Variants in SLC1A2 observed in about 807,000 individuals in gnomAD.
The protein encoded by SLC1A2 is excitatory amino acid transporter 2.
A neutral mutation model predicts 48.8 loss-of-function variants in SLC1A2; 15 were observed. The ratio of observed to expected loss-of-function variants is 0.31; its 90% confidence interval spans 0.21 to 0.47. The LOEUF (loss-of-function observed/expected upper bound fraction) is 0.47, where lower values mean the gene tolerates loss of function less well. Ranked by LOEUF, SLC1A2 falls within the 20% of genes least tolerant of loss-of-function variation. The pLI is 0.99. For synonymous variants in SLC1A2, 279 were observed against 272.6 expected, an observed-to-expected ratio of 1.02 and a Z score of -0.23; for missense variants, 502 against 730.5, an observed-to-expected ratio of 0.69 and a Z score of 3.61.
At chr11:35,341,163 G>A (rs138932022) in intron 1 of SLC1A2, among the ~76,000 whole-genome samples, 1 of 152,162 alleles carries the variant, frequency 6.6e-6, no homozygotes, top group Non-Finnish European at 1.5e-5. Context: ...GAAGGTTCAG[G>A]TTCGCCCCGA....
rs117156945 is a variant in SLC1A2, at chr11:35,406,361, G to T, written c.17+12589C>A. On this transcript the variant is annotated intron_variant, in intron 1 of 10. Coordinates refer to ENST00000278379, the MANE Select transcript of SLC1A2 (RefSeq NM_004171.4). ...CAGATAAATAAAATATGTAAAAGTTGTAATTGATGCAGTGAAGGAAGCAAA... is the reference window on the plus strand; with the variant it reads ...CAGATAAATAAAATATGTAAAAGTTTTAATTGATGCAGTGAAGGAAGCAAA... Among the ~76,000 whole-genome samples, 273 of 152,272 alleles carry T rather than the reference G, an allele frequency of 1.8e-3. 3 individuals are homozygous for T. The highest frequency in any genetic ancestry group is 0.017 in the East Asian group (88 of 5,190).
chr11:35,341,026 C>G (rs141038090), intron 1 of SLC1A2, among the ~76,000 whole-genome samples: 190 of 152,330 alleles, frequency 1.2e-3, no homozygotes, highest in African/African-American at 4.2e-3. Context: ...CAGGAACTTA[C>G]ATAAAACACA....
Position 35,419,478 on chromosome 11 carries a change from G to C in SLC1A2, c.-512C>G, listed in dbSNP as rs1855718606. The C allele has an allele frequency of 6.1e-6, 1 of 162,954 alleles. No homozygotes were observed. Among genetic ancestry groups the C allele is most frequent in the East Asian group, 1.7e-4 (1 of 5,778 alleles). 10.1% of individuals were successfully genotyped at this position (162,954 alleles called of 1,614,324 possible). A position where few individuals can be genotyped will look rare whatever the true frequency, so the allele number is the denominator to read the frequency against. ...GCTCTGGCTCGGCGCCGGCCAGGGA[G>C]GGATTGCAAGGTTTAGCCCCGCCGG... On this transcript the variant is annotated 5_prime_UTR_variant, in exon 1 of 11. Coordinates refer to ENST00000278379, the MANE Select transcript of SLC1A2 (RefSeq NM_004171.4). The surrounding 1 kb of genome is among the most constrained non-coding windows in gnomAD (Gnocchi z 5.4).
chr11:35,414,416 G>T (rs1352933825), intron 1 of SLC1A2, among the ~76,000 whole-genome samples: 1 of 152,142 alleles, frequency 6.6e-6, no homozygotes, highest in Non-Finnish European at 1.5e-5. Flanking sequence ...CAAATATGTG[G>T]CCCATCTGCC....
chr11:35,349,677 A>G (rs1853170649), intron 1 of SLC1A2, among the ~76,000 whole-genome samples: 1 of 152,228 alleles, frequency 6.6e-6, no homozygotes, highest in Non-Finnish European at 1.5e-5. Context: ...ATAAGAAATC[A>G]GGTGCTTACT....
intron 9 of SLC1A2, among the ~76,000 whole-genome samples, chr11:35,272,579 G>A (rs1850310419): frequency 6.6e-6 from 1 of 152,230 alleles, no homozygotes; most frequent in Admixed American, 6.5e-5. Flanking sequence ...GCAGGACATG[G>A]GAGTTTGTGG....
chr11:35,347,636 A>G (rs12271412), intron 1 of SLC1A2, among the ~76,000 whole-genome samples: 3,838 of 152,300 alleles, frequency 0.025, 133 homozygotes, highest in East Asian at 0.097. Flanking sequence ...GTTTGCATTC[A>G]TTTCATTTCT....
chr11:35,382,026 CAA>C (rs1331882843), intron 1 of SLC1A2, among the ~76,000 whole-genome samples: 1 of 152,234 alleles, frequency 6.6e-6, no homozygotes, highest in Non-Finnish European at 1.5e-5. Flanking sequence ...ATTCCCACAA[CAA>C]CCTTATGAAG....
chr11:35,386,470 G>A (rs927356950), intron 1 of SLC1A2, among the ~76,000 whole-genome samples: 10 of 152,156 alleles, frequency 6.6e-5, no homozygotes, highest in African/African-American at 2.4e-4. Context: ...CTGAAGAAAG[G>A]TGCCGATGAA....
At chr11:35,396,550 T>G (rs1403602354) in intron 1 of SLC1A2, among the ~76,000 whole-genome samples, 1 of 151,192 alleles carries the variant, frequency 6.6e-6, no homozygotes, top group African/African-American at 2.4e-5. Flanking sequence ...TAAATTTGTT[T>G]GAGTTCATTG....
intron 1 of SLC1A2, among the ~76,000 whole-genome samples, chr11:35,368,555 T>C (rs889025018): frequency 3.9e-5 from 6 of 152,350 alleles, no homozygotes; most frequent in Admixed American, 3.3e-4. Context: ...AAGGTCCAGT[T>C]GAGTAATCTA....
At chr11:35,368,395 T>TG (rs1323951805) in intron 1 of SLC1A2, among the ~76,000 whole-genome samples, 2 of 152,198 alleles carry the variant, frequency 1.3e-5, no homozygotes, top group African/African-American at 4.8e-5. Flanking sequence ...GTCTGCAAAA[T>TG]GGGGATAATC....
rs1591391418 is a variant in SLC1A2 at position 35,255,079 on chromosome 11, C to T, written c.*5815G>A. 6.4e-6 allele frequency: 2 copies of T among 310,964 alleles called. No individual in the cohort carries two copies. The highest frequency in any genetic ancestry group is 9.2e-5 in the East Asian group (1 of 10,838). The allele number at this position is 310,964 out of a possible 1,614,324, so 19.3% of individuals were successfully genotyped here. A position where few individuals can be genotyped will look rare whatever the true frequency, so the allele number is the denominator to read the frequency against. On this transcript the variant is annotated 3_prime_UTR_variant, in exon 11 of 11. Transcript: ENST00000278379. ...GCCGGCCGAAAAACAAAACCCAATC[C>T]TTTCAGTCCTAGCTTTACATCTTGC...
intron 1 of SLC1A2, among the ~76,000 whole-genome samples, chr11:35,357,704 G>A (rs568583917): frequency 1.3e-5 from 2 of 152,208 alleles, no homozygotes; most frequent in African/African-American, 4.8e-5. Context: ...GCAACCTACT[G>A]CATGTACATA....
rs188482875 is a variant in SLC1A2 at position 35,362,368 on chromosome 11, C to T, written c.18-44852G>A. ...GAGAGGACTGTTCTTCAGTTGGTTC[C>T]TAATAGCAGCCATAGATAAATATGT... On this transcript the variant is annotated intron_variant, in intron 1 of 10. Coordinates refer to ENST00000278379, the MANE Select transcript of SLC1A2 (RefSeq NM_004171.4). Among the ~76,000 whole-genome samples, 6 of 152,280 alleles carry T rather than the reference C, an allele frequency of 3.9e-5. No homozygotes were observed. The East Asian group carries it at 9.6e-4, about 24-fold the overall frequency.
chr11:35,325,425 CTTAT>C (rs1852209052), intron 1 of SLC1A2, among the ~76,000 whole-genome samples: 1 of 152,204 alleles, frequency 6.6e-6, no homozygotes, highest in Non-Finnish European at 1.5e-5. Context: ...CAAACTGTGT[CTTAT>C]TTGTCTCTGT....
intron 3 of SLC1A2, among the ~76,000 whole-genome samples, chr11:35,312,763 A>C (rs1851747261): frequency 6.6e-6 from 1 of 152,238 alleles, no homozygotes; most frequent in African/African-American, 2.4e-5. Context: ...TGCTATGTAC[A>C]TAACTGTTAT....
At chr11:35,278,070 G>C (rs1166983610) in intron 9 of SLC1A2, among the ~76,000 whole-genome samples, 1 of 152,134 alleles carries the variant, frequency 6.6e-6, no homozygotes, top group African/African-American at 2.4e-5. Context: ...CTAGCAGGTA[G>C]GGACGCCACT....
chr11:35,332,376 G>A (rs766134401), intron 1 of SLC1A2, among the ~76,000 whole-genome samples: 99 of 152,148 alleles, frequency 6.5e-4, no homozygotes, highest in Admixed American at 5.2e-4. Flanking sequence ...TGCTCAACTC[G>A]TAAAGTCTCA....
Sources: gnomAD v4.1 joint callset for allele counts (sites outside exome capture counted in the v4.1 genomes callset) on GRCh38, gnomAD v4.1.1 for gene constraint, Gnocchi (gnomAD v3.1) non-coding constraint, MANE v1.5 for transcripts, NCBI Gene and HGNC (gene_info 2026-07-23, HGNC 2026-07-21) for gene names.